Variants in CRLF1 observed in about 807,000 individuals in gnomAD.
The protein encoded by CRLF1 is cytokine receptor like factor 1.
CRLF1 carries 36 observed loss-of-function variants against 48.9 expected under a neutral mutation model. The observed-to-expected ratio is 0.74, with a 90% CI of 0.56 to 0.97. The LOEUF (loss-of-function observed/expected upper bound fraction) is 0.97, where lower values mean the gene tolerates loss of function less well. Among genes scored for constraint, CRLF1 ranks in the 50% least tolerant of loss-of-function variants. The pLI, the probability that CRLF1 is intolerant of heterozygous loss-of-function variation, is 0.00. For synonymous variants in CRLF1, 256 were observed against 253.4 expected, an observed-to-expected ratio of 1.01 and a Z score of -0.10; for missense variants, 534 against 575.1, an observed-to-expected ratio of 0.93 and a Z score of 0.73.
At chr19:18,598,164 CT>C (rs1215228989) in intron 4 of CRLF1, among the ~76,000 whole-genome samples, 1 of 152,188 alleles carries the variant, frequency 6.6e-6, no homozygotes, top group Non-Finnish European at 1.5e-5. Context: ...TCCTGCACAC[CT>C]GGGCTGCCGA....
intron 6 of CRLF1, among the ~76,000 whole-genome samples, chr19:18,595,326 C>T (rs984769640): frequency 1.3e-5 from 2 of 152,230 alleles, no homozygotes; most frequent in Non-Finnish European, 2.9e-5. Context: ...CTCCCGGCTG[C>T]GCTTGCTCCC....
rs1038803293 is a variant in CRLF1, at chr19:18,606,184, G to C, written c.115+358C>G. Among the ~76,000 whole-genome samples the C allele has an allele frequency of 4.0e-5, 6 of 151,596 alleles. No individual in the cohort carries two copies. The highest frequency in any genetic ancestry group is 3.3e-4 in the Admixed American group (5 of 15,254). On this transcript the variant is annotated intron_variant, in intron 1 of 8. Transcript: ENST00000392386. The surrounding 1 kb of genome is among the most constrained non-coding windows in gnomAD (Gnocchi z 4.8). ...ACCGCGTGCGCCCCCGCCTGGGAGC[G>C]GTGCCCTGCAGTCCCAGGGGCCCAG...
chr19:18,595,693 C>T (rs375617271), intron 6 of CRLF1, among the ~76,000 whole-genome samples: 46 of 152,330 alleles, frequency 3.0e-4, no homozygotes, highest in African/African-American at 1.1e-3. Context: ...GTGGGATTCT[C>T]GACCCCACCT....
chr19:18,594,173 TC>T, intron 7 of CRLF1, 66 bp from the exon 8 acceptor site: 18 of 1,597,302 alleles, frequency 1.1e-5, no homozygotes, highest in Non-Finnish European at 1.4e-5. Context: ...CCTGCTGTCT[TC>T]CCCCTCCCCT....
rs570924751 is a variant in CRLF1, at chr19:18,599,018, G to C, written c.398-117C>G. The C allele has an allele frequency of 1.2e-3, 1,836 of 1,553,950 alleles. 19 individuals are homozygous for C. Among genetic ancestry groups the C allele is most frequent in the Non-Finnish European group, 1.6e-4 (187 of 1,151,728 alleles). On this transcript the variant is annotated intron_variant, in intron 2 of 8. Transcript: ENST00000392386. ...CCTTGGAGTGGAAGGAGGGCAGACAGGACAGTCTCAGCCCTGTGCTGAGAA... is the reference window on the plus strand; with the variant it reads ...CCTTGGAGTGGAAGGAGGGCAGACACGACAGTCTCAGCCCTGTGCTGAGAA...
chr19:18,594,540 C>T, intron 6 of CRLF1, 106 bp from the exon 7 acceptor site: 1 of 862,942 alleles, frequency 1.2e-6, no homozygotes, highest in Non-Finnish European at 1.5e-6. Context: ...CCTCGGGGAA[C>T]CTCCCTCCCC....
intron 1 of CRLF1, among the ~76,000 whole-genome samples, chr19:18,601,567 G>A (rs1255041428): frequency 6.6e-6 from 1 of 152,170 alleles, no homozygotes. Context: ...GAACCACCGC[G>A]CCCAGCCTGT....
chr19:18,596,275 ACAC>A (rs1176788192), intron 6 of CRLF1, among the ~76,000 whole-genome samples: 1 of 152,180 alleles, frequency 6.6e-6, no homozygotes, highest in Non-Finnish European at 1.5e-5. Context: ...ATGGTGTCTC[ACAC>A]CTGTAATCCC....
chr19:18,594,958 G>C (rs1209256036), intron 6 of CRLF1, among the ~76,000 whole-genome samples: 1 of 152,108 alleles, frequency 6.6e-6, no homozygotes, highest in African/African-American at 2.4e-5. Flanking sequence ...GATCGAGACA[G>C]AGACACAGAG....
chr19:18,594,032 T>TTGGGGCCCC, intron 8 of CRLF1, 33 bp downstream of exon 8: 4 of 695,804 alleles, frequency 5.7e-6, no homozygotes, highest in Non-Finnish European at 6.6e-6. Flanking sequence ...CTCCCCTTGC[T>TTGGGGCCCC]CCCTCCCGCC....
At position 18,593,589 on chromosome 19, in the gene CRLF1, G is replaced by A. The variant is rs1976085394; in HGVS notation, c.1256-10C>T. On this transcript the variant is annotated splice_polypyrimidine_tract_variant and intron_variant, in intron 8 of 8. Transcript: ENST00000392386. ...GCTTATCTGGCAGGACCTGCAGGCAGAGGGGAAGCCAAGCTAAGCAGGGAG... is the reference window on the plus strand; with the variant it reads ...GCTTATCTGGCAGGACCTGCAGGCAAAGGGGAAGCCAAGCTAAGCAGGGAG... 1 of 1,607,006 alleles carries A rather than the reference G, an allele frequency of 6.2e-7. No homozygotes were observed. Among genetic ancestry groups the A allele is most frequent in the East Asian group, 2.2e-5 (1 of 44,656 alleles).
intron 2 of CRLF1, 29 bp downstream of exon 2, chr19:18,599,536 C>T (rs1194496941): frequency 6.2e-7 from 1 of 1,611,628 alleles, no homozygotes; most frequent in Non-Finnish European, 8.5e-7. Flanking sequence ...CCAAGAGCTA[C>T]CCCTGGGGTG....
chr19:18,594,032 T>TTGGCCA, intron 8 of CRLF1, 33 bp downstream of exon 8: 13 of 695,794 alleles, frequency 1.9e-5, no homozygotes, highest in African/African-American at 2.1e-5. Context: ...CTCCCCTTGC[T>TTGGCCA]CCCTCCCGCC....
At chr19:18,598,120 C>T (rs1976166741) in intron 4 of CRLF1, among the ~76,000 whole-genome samples, 1 of 152,184 alleles carries the variant, frequency 6.6e-6, no homozygotes, top group South Asian at 2.1e-4. Flanking sequence ...CGCCTCCCGA[C>T]CTGGGCGCCC....
rs746251721 is a variant in CRLF1, at chr19:18,594,238, C to T, written c.1212+9G>A. The T allele has an allele frequency of 1.9e-5, 31 of 1,612,618 alleles. No individual in the cohort carries two copies. Among genetic ancestry groups the T allele is most frequent in the Non-Finnish European group, 2.2e-5 (26 of 1,179,880 alleles). The stretch of plus-strand genomic sequence containing the variant: ...CCCACCCCCACGCCCGAGGGTCCCT[C>T]CTTCCTACCTGGTTGCGGGTCTTGT... On this transcript the variant is annotated intron_variant, in intron 7 of 8. Coordinates refer to ENST00000392386, the MANE Select transcript of CRLF1 (RefSeq NM_004750.5).
At chr19:18,602,387 T>C (rs1976231989) in intron 1 of CRLF1, among the ~76,000 whole-genome samples, 1 of 151,934 alleles carries the variant, frequency 6.6e-6, no homozygotes, top group Non-Finnish European at 1.5e-5. Flanking sequence ...GGTGGGAGGA[T>C]CACGTGAGGT....
intron 2 of CRLF1, chr19:18,599,145 C>A: frequency 1.0e-6 from 1 of 982,396 alleles, no homozygotes; most frequent in Non-Finnish European, 1.2e-6. Flanking sequence ...TCGCTCTGTC[C>A]CCCAGGCTGG....
At chr19:18,602,663 A>G (rs113773191) in intron 1 of CRLF1, among the ~76,000 whole-genome samples, 2,868 of 152,018 alleles carry the variant, frequency 0.019, 95 homozygotes, top group African/African-American at 0.066. Flanking sequence ...AACCAACAAA[A>G]CAAACCTCAT....
intron 1 of CRLF1, among the ~76,000 whole-genome samples, chr19:18,604,181 C>A (rs549860287): frequency 6.6e-6 from 1 of 152,076 alleles, no homozygotes; most frequent in South Asian, 2.1e-4. Context: ...GGCTGGGGGG[C>A]GCTGCCCCTC....
Sources: gnomAD v4.1 joint callset for allele counts (sites outside exome capture counted in the v4.1 genomes callset) on GRCh38, gnomAD v4.1.1 for gene constraint, Gnocchi (gnomAD v3.1) non-coding constraint, MANE v1.5 for transcripts, NCBI Gene and HGNC (gene_info 2026-07-23, HGNC 2026-07-21) for gene names.